Variants in FAM222B observed in about 807,000 individuals in gnomAD.
The protein encoded by FAM222B is protein FAM222B.
Under a neutral mutation model 38.0 loss-of-function variants are expected in FAM222B, and 12 were observed. The ratio of observed to expected loss-of-function variants is 0.32; its 90% CI spans 0.20 to 0.51. FAM222B has a LOEUF of 0.51. Among genes scored for constraint, FAM222B ranks in the 20% least tolerant of loss-of-function variants. FAM222B has a pLI of 0.97. For missense variants in FAM222B, 716 were observed against 754.2 expected (o/e 0.95, Z 0.59); for synonymous variants, 329 against 317.2 (o/e 1.04, Z -0.40).
At chr17:28,775,945 G>A (rs1253327585) in intron 1 of FAM222B, among the ~76,000 whole-genome samples, 2 of 151,318 alleles carry the variant, frequency 1.3e-5, no homozygotes, top group Non-Finnish European at 2.9e-5. Context: ...GCATGGTGGT[G>A]TGCACCTGTA....
intron 1 of FAM222B, among the ~76,000 whole-genome samples, chr17:28,833,479 T>C (rs1027025012): frequency 6.7e-6 from 1 of 149,852 alleles, no homozygotes; most frequent in African/African-American, 2.5e-5. Context: ...TAGCTAGGCG[T>C]GGTGGTGTGC....
chr17:28,780,522 CA>C (rs887818062), intron 1 of FAM222B, among the ~76,000 whole-genome samples: 20 of 143,630 alleles, frequency 1.4e-4, no homozygotes, highest in East Asian at 2.0e-4. Flanking sequence ...CAATAACTAC[CA>C]AAAAAAAAAG....
At chr17:28,798,972 G>GTTT (rs371016664) in intron 1 of FAM222B, among the ~76,000 whole-genome samples, 2,173 of 148,766 alleles carry the variant, frequency 0.015, 24 homozygotes, top group Middle Eastern at 0.024. Flanking sequence ...ATGGAATCCT[G>GTTT]TTGTTTTTTT....
At chr17:28,784,511 A>T (rs1313825178) in intron 1 of FAM222B, among the ~76,000 whole-genome samples, 2 of 99,078 alleles carry the variant, frequency 2.0e-5, no homozygotes, top group African/African-American at 3.5e-5. Flanking sequence ...AAAAAAAAAA[A>T]AAAAAAAAAA....
chr17:28,777,443 CAG>C (rs1169889660), intron 1 of FAM222B, among the ~76,000 whole-genome samples: 2 of 152,126 alleles, frequency 1.3e-5, no homozygotes, highest in Admixed American at 6.6e-5. Flanking sequence ...ATCTCTGATC[CAG>C]AGTTTTCTCT....
chr17:28,800,853 GAAAAAAA>G (rs534314851), intron 1 of FAM222B, among the ~76,000 whole-genome samples: 2 of 111,056 alleles, frequency 1.8e-5, no homozygotes, highest in East Asian at 2.6e-4. Context: ...ACATTTTGTT[GAAAAAAA>G]AAAAAAAAAA....
intron 1 of FAM222B, 161 bp from the exon 2 acceptor site, chr17:28,766,868 C>A: frequency 1.9e-6 from 1 of 534,602 alleles, no homozygotes; most frequent in South Asian, 2.5e-5. Context: ...TTATCTGTGA[C>A]GACAATTTGC....
At chr17:28,787,690 C>CAGAT (rs1332358104) in intron 1 of FAM222B, among the ~76,000 whole-genome samples, 2 of 152,144 alleles carry the variant, frequency 1.3e-5, no homozygotes, top group East Asian at 3.8e-4. Context: ...GAAGGAAAAA[C>CAGAT]AGATATACAG....
At chr17:28,843,668 G>T (rs1261668802), upstream of FAM222B, among the ~76,000 whole-genome samples, 1 of 151,888 alleles carries the variant, frequency 6.6e-6, no homozygotes, top group Non-Finnish European at 1.5e-5. Flanking sequence ...GGCTGGTCTC[G>T]AACTCCTGAC....
At chr17:28,800,346 T>TA (rs2037161491) in intron 1 of FAM222B, among the ~76,000 whole-genome samples, 1 of 152,200 alleles carries the variant, frequency 6.6e-6, no homozygotes, top group Admixed American at 6.6e-5. Context: ...CTTTCTTAAC[T>TA]AGTTGTGAGG....
intron 1 of FAM222B, among the ~76,000 whole-genome samples, chr17:28,833,294 G>A (rs762536557): frequency 3.3e-5 from 5 of 151,512 alleles, no homozygotes; most frequent in Non-Finnish European, 7.4e-5. Flanking sequence ...GGGCAACAGA[G>A]GGAGACTCCC....
At chr17:28,781,203 TG>T (rs763588127) in intron 1 of FAM222B, among the ~76,000 whole-genome samples, 1 of 151,718 alleles carries the variant, frequency 6.6e-6, no homozygotes, top group East Asian at 1.9e-4. Flanking sequence ...GAGACTGAGG[TG>T]GGGGGATCAC....
At chr17:28,792,635 G>C (rs1361468768) in intron 1 of FAM222B, among the ~76,000 whole-genome samples, 1 of 152,008 alleles carries the variant, frequency 6.6e-6, no homozygotes, top group Non-Finnish European at 1.5e-5. Context: ...ACAAAAATTA[G>C]CCAGGTGTGG....
intron 1 of FAM222B, among the ~76,000 whole-genome samples, chr17:28,822,388 C>T (rs1395459798): frequency 1.3e-5 from 2 of 149,386 alleles, no homozygotes; most frequent in Non-Finnish European, 3.0e-5. Flanking sequence ...TTTGGGAGGC[C>T]GAAGGCAGGT....
chr17:28,791,802 G>C (rs2036702117), intron 1 of FAM222B, among the ~76,000 whole-genome samples: 1 of 150,760 alleles, frequency 6.6e-6, no homozygotes, highest in African/African-American at 2.4e-5. Flanking sequence ...TGGGATTACA[G>C]GCACGTGTCA....
chr17:28,833,487 T>C (rs1461278548), intron 1 of FAM222B, among the ~76,000 whole-genome samples: 1 of 142,770 alleles, frequency 7.0e-6, no homozygotes. Flanking sequence ...CGTGGTGGTG[T>C]GCGCCTGTAG....
chr17:28,758,177 A>G lies in FAM222B; in HGVS notation c.*93T>C. ...AGACATCTAAGAATGATCACACTGGAGCAGTGAAACTTTGAAACTATCCAG... is the reference window on the plus strand; with the variant it reads ...AGACATCTAAGAATGATCACACTGGGGCAGTGAAACTTTGAAACTATCCAG... On this transcript the variant is annotated 3_prime_UTR_variant, in exon 3 of 3. Transcript: ENST00000581407. The G allele has an allele frequency of 9.2e-7, 1 of 1,084,058 alleles. No homozygotes were observed. The highest frequency in any genetic ancestry group is 1.3e-6 in the Non-Finnish European group (1 of 752,294). 67.2% of individuals were successfully genotyped at this position (1,084,058 alleles called of 1,614,324 possible). A position where few individuals can be genotyped will look rare whatever the true frequency, so the allele number is the denominator to read the frequency against.
rs534314851 is a variant in FAM222B, at chr17:28,800,853, GAAAAAA to G, written c.-40-34152_-40-34147del. Among the ~76,000 whole-genome samples the G allele has an allele frequency of 1.2e-3, 138 of 111,056 alleles. No homozygotes were observed. In the Middle Eastern group the frequency reaches 0.036, roughly 29 times the overall value. The allele number at this position is 111,056 out of a possible 152,430, so 72.9% of individuals were successfully genotyped here. A position where few individuals can be genotyped will look rare whatever the true frequency, so the allele number is the denominator to read the frequency against. ...TAAGCTACTAGTTCCACATTTTGTT[GAAAAAA>G]AAAAAAAAAAAAAAAGTTGGCCAGG... On this transcript the variant is annotated intron_variant, in intron 1 of 2. Coordinates refer to ENST00000581407, the MANE Select transcript of FAM222B (RefSeq NM_001077498.3).
At chr17:28,830,831 A>T (rs2038642032) in intron 1 of FAM222B, among the ~76,000 whole-genome samples, 4 of 149,152 alleles carry the variant, frequency 2.7e-5, no homozygotes, top group Admixed American at 2.0e-4. Context: ...ATTAAAAAAA[A>T]AATAAAATAA....
Sources: gnomAD v4.1 joint callset for allele counts (sites outside exome capture counted in the v4.1 genomes callset) on GRCh38, gnomAD v4.1.1 for gene constraint, MANE v1.5 for transcripts, NCBI Gene and HGNC (gene_info 2026-07-23, HGNC 2026-07-21) for gene names.